Variants in KY observed in about 807,000 individuals in gnomAD.
The protein encoded by KY is kyphoscoliosis peptidase.
In KY, 43 loss-of-function variants were observed where a neutral mutation model predicts 76.1. The ratio of observed to expected loss-of-function variants is 0.57; its 90% confidence interval spans 0.44 to 0.73. The LOEUF (loss-of-function observed/expected upper bound fraction) is 0.73. Ranked by LOEUF, KY falls within the 30% of genes least tolerant of loss-of-function variation. The pLI, the probability that KY is intolerant of heterozygous loss-of-function variation, is 0.00. For synonymous variants in KY, 277 were observed against 326.2 expected (o/e 0.85, Z 1.63); for missense variants, 722 against 828.9 (o/e 0.87, Z 1.58).
In KY at chr3:134,608,633, C is replaced by T. The variant is rs181882846; in HGVS notation, c.1090+16G>A. On this transcript the variant is annotated intron_variant, in intron 10 of 10. Transcript: ENST00000423778. The stretch of plus-strand genomic sequence containing the variant: ...CATTCCTGCTGCTAGCACACTGGCA[C>T]CTGCTCCGGGCTCACCTGTTCTGAT... 17 of 1,614,016 alleles carry T rather than the reference C, an allele frequency of 1.1e-5. No individual in the cohort carries two copies. In the Admixed American group the frequency reaches 2.7e-4, roughly 25 times the overall value.
chr3:134,603,049 C>G lies in KY; in HGVS notation c.*530G>C, dbSNP rs1054542211. 1 of 152,340 alleles carries G rather than the reference C, an allele frequency of 6.6e-6. No individual in the cohort carries two copies. The highest frequency in any genetic ancestry group is 2.4e-5 in the African/African-American group (1 of 41,436). 9.4% of individuals were successfully genotyped at this position (152,340 alleles called of 1,614,324 possible). On this transcript the variant is annotated 3_prime_UTR_variant, in exon 11 of 11. Transcript: ENST00000423778. Reference sequence around the variant, plus strand: ...GAGGCAGCAGGATGCAGAAGATGATCAGGTCTGGGAGGAGAAGATAGTCCA... The same window carrying G: ...GAGGCAGCAGGATGCAGAAGATGATGAGGTCTGGGAGGAGAAGATAGTCCA...
At chr3:134,637,643 GC>G (rs1965148742) in intron 3 of KY, among the ~76,000 whole-genome samples, 2 of 152,170 alleles carry the variant, frequency 1.3e-5, no homozygotes, top group Admixed American at 1.3e-4. Flanking sequence ...TTCTCATAAT[GC>G]CCAGGTACTT....
At chr3:134,628,816 C>T (rs553803330) in intron 4 of KY, among the ~76,000 whole-genome samples, 4 of 152,314 alleles carry the variant, frequency 2.6e-5, no homozygotes, top group Middle Eastern at 3.4e-3. Context: ...CAAGGTCACA[C>T]AGCTGAAACA....
In KY at chr3:134,608,292, GACTC is replaced by G. The variant is rs1030035091; in HGVS notation, c.1090+353_1090+356del. Reference sequence around the variant, plus strand: ...TTTCCCTGCTATGTGAACTGAGAGAGACTCACCCAGCTAGGAAGTGCCCAGCCCT... The same window carrying G: ...TTTCCCTGCTATGTGAACTGAGAGAGACCCAGCTAGGAAGTGCCCAGCCCT... On this transcript the variant is annotated intron_variant, in intron 10 of 10. Coordinates refer to ENST00000423778, the MANE Select transcript of KY (RefSeq NM_178554.6). The G allele has an allele frequency of 2.0e-5, 24 of 1,220,706 alleles. No individual in the cohort carries two copies. The Admixed American group carries it at 6.0e-4, about 31-fold the overall frequency. The allele number at this position is 1,220,706 out of a possible 1,614,324, so 75.6% of individuals were successfully genotyped here.
At position 134,610,212 on chromosome 3, in the gene KY, G is replaced by T. The variant is rs1383431544; in HGVS notation, c.882C>A (p.Thr294=). Residue 294 remains threonine, a synonymous_variant, in exon 9 of 11, where the codon ACC becomes ACA. Coordinates refer to ENST00000423778, the MANE Select transcript of KY (RefSeq NM_178554.6). ...TWGSGLVDTI[T]SKFTFLYNEF... is the part of the protein sequence containing the mutation. ...GTACTTACAGGAAGGTGAATTTGGA[G>T]GTGATGGTGTCCACCAGGCCGCTGC... 3.7e-6 allele frequency: 6 copies of T among 1,612,974 alleles called. No homozygotes were observed. In the African/African-American group the frequency reaches 4.0e-5, roughly 11 times the overall value.
Position 134,604,251 on chromosome 3 carries a change from C to T in KY, c.1314G>A (p.Val438=). Residue 438 remains valine, a synonymous_variant, in exon 11 of 11, where the codon GTG becomes GTA. Coordinates refer to ENST00000423778, the MANE Select transcript of KY (RefSeq NM_178554.6). The part of the protein sequence containing the change: ...VLEYTLKCNY[V]DMGVQLPAEL... ...CAGCAGGCAGCTGGACACCCATGTC[C>T]ACATAATTGCACTTGAGCGTGTACT... is the stretch of plus-strand genomic sequence containing the variant. The T allele has an allele frequency of 6.2e-7, 1 of 1,613,904 alleles. No homozygotes were observed. The highest frequency in any genetic ancestry group is 8.5e-7 in the Non-Finnish European group (1 of 1,179,882).
At chr3:134,604,859 A>G (rs1232395055) in intron 10 of KY, among the ~76,000 whole-genome samples, 1 of 152,192 alleles carries the variant, frequency 6.6e-6, no homozygotes, top group Non-Finnish European at 1.5e-5. Context: ...ATCTCCCCCA[A>G]GTCTCAGGTC....
At chr3:134,614,034 TC>T (rs1961038618) in intron 8 of KY, among the ~76,000 whole-genome samples, 1 of 152,032 alleles carries the variant, frequency 6.6e-6, no homozygotes, top group Non-Finnish European at 1.5e-5. Context: ...AAAATAAGGC[TC>T]AGTGGCTGCC....
At chr3:134,632,250 C>T (rs930125600) in intron 3 of KY, among the ~76,000 whole-genome samples, 1 of 152,048 alleles carries the variant, frequency 6.6e-6, no homozygotes, top group Admixed American at 6.5e-5. Flanking sequence ...AAATGAACTA[C>T]ACAATGAATA....
At chr3:134,647,980 C>A (rs537596923) in intron 1 of KY, among the ~76,000 whole-genome samples, 1 of 152,184 alleles carries the variant, frequency 6.6e-6, no homozygotes, top group Non-Finnish European at 1.5e-5. Flanking sequence ...AGAGGGTAAA[C>A]ACGTATGGCC....
intron 3 of KY, among the ~76,000 whole-genome samples, chr3:134,637,033 C>G (rs1965075396): frequency 6.6e-6 from 1 of 152,108 alleles, no homozygotes; most frequent in Non-Finnish European, 1.5e-5. Flanking sequence ...TTTTGTGTAG[C>G]TCATAAACTT....
chr3:134,626,842 T>G (rs566626828), intron 5 of KY, among the ~76,000 whole-genome samples: 16 of 152,336 alleles, frequency 1.1e-4, no homozygotes, highest in African/African-American at 2.9e-4. Context: ...CAGAGAAGAC[T>G]GGGGATACTC....
intron 10 of KY, among the ~76,000 whole-genome samples, chr3:134,605,967 A>G (rs1277317438): frequency 1.3e-5 from 2 of 152,102 alleles, no homozygotes; most frequent in East Asian, 1.9e-4. Flanking sequence ...ATTTGTCTAC[A>G]TGCTTTCTCT....
chr3:134,608,484 G>A, intron 10 of KY, 165 bp downstream of exon 10: 2 of 1,539,366 alleles, frequency 1.3e-6, no homozygotes, highest in Non-Finnish European at 1.7e-6. Flanking sequence ...GGCTGCCTCA[G>A]CAGCCTCCAC....
intron 5 of KY, among the ~76,000 whole-genome samples, chr3:134,626,263 A>G (rs904500142): frequency 1.3e-5 from 2 of 152,218 alleles, no homozygotes; most frequent in African/African-American, 4.8e-5. Flanking sequence ...GGTGTGCTGG[A>G]GAGACCCCAG....
intron 8 of KY, among the ~76,000 whole-genome samples, chr3:134,611,535 C>T (rs1195139521): frequency 2.6e-5 from 4 of 152,246 alleles, no homozygotes; most frequent in Non-Finnish European, 5.9e-5. Context: ...AAAAGGTTCC[C>T]CTTCCTCAAG....
intron 2 of KY, among the ~76,000 whole-genome samples, chr3:134,644,194 T>A (rs1966152005): frequency 6.6e-6 from 1 of 152,122 alleles, no homozygotes; most frequent in South Asian, 2.1e-4. Context: ...GGAGACGGGA[T>A]GATGTGTAGT....
At chr3:134,605,358 A>C (rs956607445) in intron 10 of KY, among the ~76,000 whole-genome samples, 2 of 152,248 alleles carry the variant, frequency 1.3e-5, no homozygotes, top group Middle Eastern at 6.8e-3. Flanking sequence ...CCCCGTTCAC[A>C]GTTGAGTGCA....
intron 10 of KY, chr3:134,607,713 A>G (rs917353619): frequency 2.0e-6 from 2 of 985,848 alleles, no homozygotes; most frequent in Non-Finnish European, 1.2e-6. Flanking sequence ...GTGTGCAAAC[A>G]TACTCAGCTG....
Sources: gnomAD v4.1 joint callset for allele counts (sites outside exome capture counted in the v4.1 genomes callset) on GRCh38, gnomAD v4.1.1 for gene constraint, MANE v1.5 for transcripts, NCBI Gene and HGNC (gene_info 2026-07-23, HGNC 2026-07-21) for gene names.